MALRD1: variants seen among roughly 807,000 people sequenced by gnomAD.
The protein encoded by MALRD1 is MAM and LDL-receptor class A domain-containing protein 1.
MALRD1 carries 247 observed loss-of-function variants against 242.1 expected under a neutral mutation model. The ratio of observed to expected loss-of-function variants is 1.02; its 90% CI spans 0.92 to 1.13. The LOEUF is 1.13. Ranked by LOEUF, MALRD1 falls within the 50% of genes most tolerant of loss-of-function variation. The probability of loss-of-function intolerance (pLI) is 0.00; values close to 1 mark genes in which losing one functional copy is unlikely to be tolerated. For synonymous variants in MALRD1, 995 were observed against 866.6 expected, an observed-to-expected ratio of 1.15 and a Z score of -2.60; for missense variants, 2,989 against 2,533.1, an observed-to-expected ratio of 1.18 and a Z score of -3.86.
intron 26 of MALRD1, among the ~76,000 whole-genome samples, chr10:19,365,659 TAAAAAAAAAA>T (rs199989681): frequency 1.6e-5 from 2 of 122,874 alleles, no homozygotes; most frequent in African/African-American, 5.8e-5. Context: ...TTATAAATTC[TAAAAAAAAAA>T]AAAAAAAAAA....
chr10:19,271,646 C>T (rs1342039297), intron 19 of MALRD1, among the ~76,000 whole-genome samples: 1 of 152,054 alleles, frequency 6.6e-6, no homozygotes, highest in East Asian at 1.9e-4. Context: ...ACCTGTAGTC[C>T]CAGCTACTTG....
chr10:19,275,553 C>A (rs1419918085), intron 19 of MALRD1, among the ~76,000 whole-genome samples: 4 of 152,114 alleles, frequency 2.6e-5, no homozygotes, highest in Admixed American at 6.5e-5. Context: ...CCTGTAGTCC[C>A]CACTACTCAG....
At chr10:19,130,296 A>C (rs1833052318) in intron 8 of MALRD1, among the ~76,000 whole-genome samples, 1 of 152,148 alleles carries the variant, frequency 6.6e-6, no homozygotes, top group African/African-American at 2.4e-5. Flanking sequence ...TTCATGCCTC[A>C]ATATTTCAGT....
chr10:19,281,428 G>A (rs1039887600), intron 20 of MALRD1, among the ~76,000 whole-genome samples: 1 of 152,192 alleles, frequency 6.6e-6, no homozygotes, highest in Non-Finnish European at 1.5e-5. Flanking sequence ...TGCCGTTTTA[G>A]TGATGTCGTT....
At chr10:19,488,413 G>C (rs1355349507) in intron 29 of MALRD1, among the ~76,000 whole-genome samples, 5 of 152,172 alleles carry the variant, frequency 3.3e-5, no homozygotes, top group African/African-American at 1.2e-4. Context: ...GATACTCATT[G>C]TAGTATAGGA....
At chr10:19,354,911 A>G (rs1489196772) in intron 26 of MALRD1, among the ~76,000 whole-genome samples, 2 of 152,208 alleles carry the variant, frequency 1.3e-5, no homozygotes, top group African/African-American at 4.8e-5. Context: ...AAAATAAAAA[A>G]GAAATTTGGA....
intron 26 of MALRD1, among the ~76,000 whole-genome samples, chr10:19,373,203 C>CAAAAAAAAAAAAA (rs374095193): frequency 1.3e-3 from 149 of 114,772 alleles, no homozygotes; most frequent in Non-Finnish European, 1.6e-3. Context: ...ACGCTAAATA[C>CAAAAAAAAAAAAA]AAAAAAAAAA....
intron 8 of MALRD1, among the ~76,000 whole-genome samples, chr10:19,133,596 A>T (rs939599657): frequency 6.6e-6 from 1 of 152,276 alleles, no homozygotes; most frequent in East Asian, 1.9e-4. Flanking sequence ...CTGTTTTTTT[A>T]AAAGATTTCA....
At chr10:19,655,868 G>T (rs912318052) in intron 36 of MALRD1, among the ~76,000 whole-genome samples, 4 of 151,956 alleles carry the variant, frequency 2.6e-5, no homozygotes, top group African/African-American at 7.2e-5. Context: ...TAAGTATCTG[G>T]GTCTGATGCC....
chr10:19,531,556 G>A (rs1457446287), intron 32 of MALRD1, among the ~76,000 whole-genome samples: 2 of 152,108 alleles, frequency 1.3e-5, no homozygotes, highest in African/African-American at 2.4e-5. Context: ...CTCACTGACG[G>A]CTGCCACCTG....
rs1316308480 is a variant in MALRD1 at position 19,483,813 on chromosome 10, G to T, written c.5030-7704G>T. ...AAAGAAATATTTCTACTAAAAAAAA[G>T]ATGCATGAATGCATATGCTCTTCAT... On this transcript the variant is annotated intron_variant, in intron 29 of 39. Transcript: ENST00000454679. 2.6e-5 allele frequency among the ~76,000 whole-genome samples: 4 copies of T among 152,150 alleles called. No individual in the cohort carries two copies. The South Asian group carries it at 8.3e-4, about 32-fold the overall frequency.
chr10:19,440,989 A>T (rs1254206077), intron 28 of MALRD1, among the ~76,000 whole-genome samples: 1 of 151,798 alleles, frequency 6.6e-6, no homozygotes, highest in Admixed American at 6.6e-5. Flanking sequence ...TTTTCTCTAG[A>T]TCCTCTCCAG....
chr10:19,227,171 G>A (rs999389288), intron 18 of MALRD1, among the ~76,000 whole-genome samples: 6 of 150,792 alleles, frequency 4.0e-5, no homozygotes, highest in East Asian at 1.9e-4. Flanking sequence ...TTTTTAATGC[G>A]GAAGTCCAAG....
At chr10:19,392,018 A>G (rs1846360015) in intron 28 of MALRD1, among the ~76,000 whole-genome samples, 1 of 152,204 alleles carries the variant, frequency 6.6e-6, no homozygotes. Flanking sequence ...TGTCATCTAA[A>G]TCAGAAACAT....
intron 29 of MALRD1, among the ~76,000 whole-genome samples, chr10:19,482,652 TACACACACACACACACAC>T (rs144094060): frequency 1.5e-5 from 2 of 136,354 alleles, no homozygotes; most frequent in Non-Finnish European, 3.1e-5. Flanking sequence ...TTACAATAGC[TACACACACACACACACAC>T]ACACACACAC....
intron 27 of MALRD1, among the ~76,000 whole-genome samples, chr10:19,388,882 A>T (rs1008034320): frequency 4.7e-5 from 1 of 21,312 alleles, no homozygotes; most frequent in Non-Finnish European, 1.7e-4. Context: ...AGGTCTACTG[A>T]AAAAAAAAAA....
At chr10:19,103,566 T>TAAAAAAAA (rs1349573768) in intron 4 of MALRD1, among the ~76,000 whole-genome samples, 1 of 139,382 alleles carries the variant, frequency 7.2e-6, no homozygotes, top group African/African-American at 2.7e-5. Context: ...AAAAAAAAAA[T>TAAAAAAAA]AAATAAAGAT....
chr10:19,220,405 A>G (rs1338767330), intron 18 of MALRD1, among the ~76,000 whole-genome samples: 1 of 152,128 alleles, frequency 6.6e-6, no homozygotes. Flanking sequence ...AACTTCTAAA[A>G]ATGATTCATA....
rs1430848749 is a variant in MALRD1 at position 19,328,091 on chromosome 10, T to TA, written c.3687+423dup. 2.0e-5 allele frequency among the ~76,000 whole-genome samples: 3 copies of TA among 152,150 alleles called. No individual in the cohort carries two copies. In the East Asian group the frequency reaches 5.8e-4, roughly 29 times the overall value. ...TTATAGGGAATAGATTCACCTAATT[T>TA]AAAAATATTTTTGGGGGGCACAGTA... On this transcript the variant is annotated intron_variant, in intron 23 of 39. Transcript: ENST00000454679.
Sources: gnomAD v4.1 joint callset for allele counts (sites outside exome capture counted in the v4.1 genomes callset) on GRCh38, gnomAD v4.1.1 for gene constraint, MANE v1.5 for transcripts, NCBI Gene and HGNC (gene_info 2026-07-23, HGNC 2026-07-21) for gene names.